Variants in MOV10L1 observed in about 807,000 individuals in gnomAD.
MOV10L1 encodes Mov10 like RNA helicase 1.
A neutral mutation model predicts 143.8 loss-of-function variants in MOV10L1; 110 were observed. The ratio of observed to expected loss-of-function variants is 0.76; its 90% CI spans 0.66 to 0.90. The LOEUF (loss-of-function observed/expected upper bound fraction) is 0.90. Ranked by LOEUF, MOV10L1 falls within the 40% of genes least tolerant of loss-of-function variation. The probability of loss-of-function intolerance (pLI) is 0.00; values close to 1 mark genes in which losing one functional copy is unlikely to be tolerated. For missense variants in MOV10L1, 1,406 were observed against 1,526.8 expected (o/e 0.92, Z 1.32); for synonymous variants, 593 against 581.1 (o/e 1.02, Z -0.29).
chr22:50,111,584 A>G lies in MOV10L1; in HGVS notation c.744-2064A>G, dbSNP rs148868141. On this transcript the variant is annotated intron_variant, in intron 5 of 26. Transcript: ENST00000262794. The stretch of plus-strand genomic sequence containing the variant: ...AGTGGCGCGATCTCTGCTCACTGCA[A>G]GTTCCACCTCCTGGGTTCACGCCAT... Among the ~76,000 whole-genome samples the G allele has an allele frequency of 7.3e-3, 1,069 of 146,944 alleles. 9 individuals are homozygous for G. Among genetic ancestry groups the G allele is most frequent in the African/African-American group, 0.025 (1,007 of 39,522 alleles).
chr22:50,101,466 A>G (rs1441567957), intron 3 of MOV10L1, among the ~76,000 whole-genome samples: 1 of 150,950 alleles, frequency 6.6e-6, no homozygotes, highest in Admixed American at 6.6e-5. Context: ...CCACCTGCCA[A>G]AGTGCTGGGA....
Position 50,153,081 on chromosome 22 carries a change from G to A in MOV10L1, c.2929G>A (p.Ala977Thr). 6.2e-7 allele frequency: 1 copy of A among 1,612,282 alleles called. No homozygotes were observed. Among genetic ancestry groups the A allele is most frequent in the Non-Finnish European group, 8.5e-7 (1 of 1,178,516 alleles). The change falls in exon 22 of 27, where the codon GCC becomes ACC. Residue 977 changes from alanine (A) to threonine (T), a missense_variant. Physicochemically the swap from Ala to Thr is moderately conservative, Grantham distance 58. Transcript: ENST00000262794. ...KLVKNYRSHE[A>T]LLMLPSRLFY... ...GGTGAAGAACTACCGGTCCCACGAG[G>A]CCCTGCTGATGCTGCCCTCACGGCT...
At chr22:50,092,434 C>T (rs9617067) in intron 2 of MOV10L1, among the ~76,000 whole-genome samples, 34,360 of 151,978 alleles carry the variant, frequency 0.23, 4,234 homozygotes, top group Admixed American at 0.35. Flanking sequence ...TGTTAAGAGA[C>T]CAGCCTGGGC....
chr22:50,096,838 G>C (rs1314350339), intron 2 of MOV10L1, among the ~76,000 whole-genome samples: 3 of 152,016 alleles, frequency 2.0e-5, no homozygotes, highest in Non-Finnish European at 4.4e-5. Context: ...TTGTTTTCTT[G>C]TAGTAGGAAT....
intron 3 of MOV10L1, among the ~76,000 whole-genome samples, chr22:50,106,811 C>T (rs1285870290): frequency 6.6e-6 from 1 of 150,532 alleles, no homozygotes; most frequent in Non-Finnish European, 1.5e-5. Flanking sequence ...ATGCCATTCT[C>T]CTGCCTCAGC....
At chr22:50,141,867 A>C (rs2272834) in intron 15 of MOV10L1, among the ~76,000 whole-genome samples, 66 of 152,300 alleles carry the variant, frequency 4.3e-4, no homozygotes, top group East Asian at 1.9e-3. Context: ...TCTAAAAGCA[A>C]GTTTAAAGAA....
chr22:50,138,543 G>A (rs111601598), intron 15 of MOV10L1, among the ~76,000 whole-genome samples: 11 of 150,996 alleles, frequency 7.3e-5, no homozygotes, highest in African/African-American at 2.7e-4. Context: ...GAGTGATGAA[G>A]TGAAACCCTG....
chr22:50,153,264 A>T, intron 22 of MOV10L1, 46 bp downstream of exon 22: 1 of 1,560,264 alleles, frequency 6.4e-7, no homozygotes, highest in Non-Finnish European at 8.8e-7. Context: ...GGGTAAGGAC[A>T]GTATGGCAGG....
chr22:50,154,452 C>T (rs1404810649), intron 22 of MOV10L1, among the ~76,000 whole-genome samples: 2 of 151,758 alleles, frequency 1.3e-5, no homozygotes, highest in Admixed American at 6.6e-5. Context: ...CCTTTGGTCC[C>T]GGCTACTTGG....
chr22:50,131,123 T>A (rs1298050790), intron 13 of MOV10L1, among the ~76,000 whole-genome samples: 1 of 150,334 alleles, frequency 6.7e-6, no homozygotes, highest in Non-Finnish European at 1.5e-5. Flanking sequence ...TTAGCCAGAA[T>A]GGTCTCAATC....
chr22:50,134,672 T>C, intron 15 of MOV10L1, 42 bp downstream of exon 15: 1 of 1,564,978 alleles, frequency 6.4e-7, no homozygotes, highest in Non-Finnish European at 8.8e-7. Flanking sequence ...AGGGGATGGC[T>C]CAGCGACGTG....
At chr22:50,137,462 G>A (rs971453609) in intron 15 of MOV10L1, among the ~76,000 whole-genome samples, 1 of 152,058 alleles carries the variant, frequency 6.6e-6, no homozygotes, top group African/African-American at 2.4e-5. Flanking sequence ...TATCTAACAT[G>A]GAACAGAGGC....
intron 5 of MOV10L1, among the ~76,000 whole-genome samples, chr22:50,112,769 C>T (rs1165505302): frequency 6.6e-6 from 1 of 152,228 alleles, no homozygotes; most frequent in Non-Finnish European, 1.5e-5. Flanking sequence ...GGCAAGAGCT[C>T]CGCAGCTTCT....
intron 5 of MOV10L1, 36 bp from the exon 6 acceptor site, chr22:50,113,612 C>T: frequency 1.2e-6 from 2 of 1,606,542 alleles, no homozygotes; most frequent in Non-Finnish European, 1.7e-6. Flanking sequence ...GGTGGTGCTG[C>T]TGCAGAGGGA....
At position 50,153,103 on chromosome 22, in the gene MOV10L1, G is replaced by A. The variant is rs768482423; in HGVS notation, c.2951G>A (p.Arg984Gln). The change falls in exon 22 of 27, where the codon CGG (arginine) becomes CAG (glutamine). Residue 984 changes from arginine (R) to glutamine (Q), a missense_variant. Coordinates refer to ENST00000262794, the MANE Select transcript of MOV10L1 (RefSeq NM_018995.3). ...SHEALLMLPS[R>Q]LFYHRELEVC... is the part of the protein sequence containing the mutation. ...GAGGCCCTGCTGATGCTGCCCTCAC[G>A]GCTGTTCTACCACAGGGAACTCGAG... The A allele has an allele frequency of 2.9e-5, 46 of 1,613,506 alleles. No homozygotes were observed. Among genetic ancestry groups the A allele is most frequent in the Non-Finnish European group, 3.4e-5 (40 of 1,179,552 alleles).
chr22:50,108,605 C>G, intron 4 of MOV10L1, 52 bp from the exon 5 acceptor site: 1 of 1,595,014 alleles, frequency 6.3e-7, no homozygotes. Context: ...AGAGCTGCGC[C>G]CTGTCGTCAT....
chr22:50,113,778 A>T lies in MOV10L1; in HGVS notation c.874A>T (p.Ile292Phe), dbSNP rs748490807. The change falls in exon 6 of 27, where the codon ATC becomes TTC. Residue 292 changes from isoleucine to phenylalanine, a missense_variant. By Grantham distance (21) the Ile-to-Phe change is conservative. This residue lies in a region of MOV10L1 where 1,233 missense variants were observed against 1,351.4 expected (regional missense o/e 0.91). Transcript: ENST00000262794. ...LKEGRSKTMV[I>F]WIENKGDIPQ... ...GGAAGGAAGAAGTAAAACCATGGTG[A>T]TCTGGATAGAGTGAGTTTGCCACTG... 6.2e-7 allele frequency: 1 copy of T among 1,610,824 alleles called. No individual in the cohort carries two copies. Among genetic ancestry groups the T allele is most frequent in the Non-Finnish European group, 8.5e-7 (1 of 1,178,476 alleles).
chr22:50,147,027 G>A (rs1228886423), intron 19 of MOV10L1: 17 of 1,546,664 alleles, frequency 1.1e-5, no homozygotes, highest in Non-Finnish European at 1.5e-5. Context: ...GATTTTTTTT[G>A]TTAATGTGTG....
At chr22:50,103,879 G>A (rs188718819) in intron 3 of MOV10L1, among the ~76,000 whole-genome samples, 10 of 152,262 alleles carry the variant, frequency 6.6e-5, no homozygotes, top group Non-Finnish European at 1.0e-4. Context: ...AGGGAGGGAG[G>A]ATAGTTTTGG....
Sources: allele counts gnomAD v4.1 joint callset (sites outside exome capture counted in the v4.1 genomes callset), GRCh38; gene constraint gnomAD v4.1.1; regional missense constraint gnomAD v4.1.1; transcripts MANE v1.5; gene names NCBI Gene and HGNC (gene_info 2026-07-23, HGNC 2026-07-21).